Variants in YPEL1 observed in about 807,000 individuals in gnomAD.
YPEL1 encodes protein yippee-like 1.
YPEL1 carries 7 observed loss-of-function variants against 17.3 expected under a neutral mutation model. That is an observed-to-expected ratio of 0.40 (90% CI 0.23 to 0.76). YPEL1 has a LOEUF of 0.76. YPEL1 is among the 30% of genes least tolerant of loss of function. The probability of loss-of-function intolerance (pLI) is 0.35; values close to 1 mark genes in which losing one functional copy is unlikely to be tolerated. For synonymous variants in YPEL1, 59 were observed against 59.6 expected, an observed-to-expected ratio of 0.99 and a Z score of 0.05; for missense variants, 91 against 155.5, an observed-to-expected ratio of 0.59 and a Z score of 2.21.
chr22:21,701,277 C>T (rs944476140), intron 4 of YPEL1, 59 bp from the exon 5 acceptor site: 1 of 1,400,638 alleles, frequency 7.1e-7, no homozygotes. Flanking sequence ...AATTTCATCA[C>T]TCTTTTGGCA....
chr22:21,728,054 G>A (rs940631831), intron 1 of YPEL1, among the ~76,000 whole-genome samples: 11 of 152,186 alleles, frequency 7.2e-5, no homozygotes, highest in East Asian at 5.8e-4. Flanking sequence ...CAGGGAGAGC[G>A]GGGAAGGAAC....
At chr22:21,713,432 C>T (rs1236172580) in intron 1 of YPEL1, among the ~76,000 whole-genome samples, 3 of 152,146 alleles carry the variant, frequency 2.0e-5, no homozygotes, top group African/African-American at 7.2e-5. Context: ...TGTTATCCAG[C>T]CTTTAACAGG....
intron 1 of YPEL1, chr22:21,723,146 A>C (rs2068300069): frequency 6.6e-6 from 1 of 152,362 alleles, no homozygotes; most frequent in East Asian, 1.9e-4. Flanking sequence ...CAGCCTCCCG[A>C]GTTGCTGGGA....
chr22:21,711,001 G>T (rs2845458), intron 1 of YPEL1, 93 bp from the exon 2 acceptor site: 3 of 423,378 alleles, frequency 7.1e-6, no homozygotes, highest in African/African-American at 4.1e-5. Context: ...AGCAACACGC[G>T]GGGTGGGGGG....
At position 21,721,564 on chromosome 22, in the gene YPEL1, C is replaced by T. The variant is rs144110591; in HGVS notation, c.-164-10656G>A. Among the ~76,000 whole-genome samples, 501 of 152,282 alleles carry T rather than the reference C, an allele frequency of 3.3e-3. 6 individuals carry two copies. Among genetic ancestry groups the T allele is most frequent in the African/African-American group, 0.012 (486 of 41,554 alleles). ...TCAGCCTCCTGAGTAGTTTGGATTA[C>T]AGGTGCACATCACCATGACTGGCTA... On this transcript the variant is annotated intron_variant, in intron 1 of 4. Coordinates refer to ENST00000339468, the MANE Select transcript of YPEL1 (RefSeq NM_013313.5).
chr22:21,710,999 G>A (rs2845457), intron 1 of YPEL1, 91 bp from the exon 2 acceptor site: 63,381 of 438,378 alleles, frequency 0.14, 5,457 homozygotes, highest in Non-Finnish European at 0.17. Flanking sequence ...GAAGCAACAC[G>A]CGGGGTGGGG....
chr22:21,720,177 CA>C (rs1292044683), intron 1 of YPEL1, among the ~76,000 whole-genome samples: 1,108 of 81,482 alleles, frequency 0.014, 14 homozygotes, highest in African/African-American at 0.044. Flanking sequence ...GACTCTGTAT[CA>C]AAAAAAAAAA....
At chr22:21,734,003 C>G (rs535998805) in intron 1 of YPEL1, among the ~76,000 whole-genome samples, 1 of 152,122 alleles carries the variant, frequency 6.6e-6, no homozygotes, top group Non-Finnish European at 1.5e-5. Flanking sequence ...TCACTTGAGC[C>G]TAGGAGTTCA....
In YPEL1 at chr22:21,710,820, G is replaced by C; in HGVS notation, c.-76C>G. On this transcript the variant is annotated 5_prime_UTR_variant, in exon 2 of 5. Transcript: ENST00000339468. ...GGCTCTGCTGGCCTCTCTGACAAAA[G>C]CAACACTGGAAAATGCACGCAAGAG... 2 of 1,324,638 alleles carry C rather than the reference G, an allele frequency of 1.5e-6. No individual in the cohort carries two copies. The highest frequency in any genetic ancestry group is 1.2e-5 in the South Asian group (1 of 85,092). The allele number at this position is 1,324,638 out of a possible 1,614,324, so 82.1% of individuals were successfully genotyped here.
At chr22:21,720,149 G>C (rs1295345082) in intron 1 of YPEL1, among the ~76,000 whole-genome samples, 1 of 142,912 alleles carries the variant, frequency 7.0e-6, no homozygotes, top group East Asian at 2.2e-4. Flanking sequence ...ATGCACTCTA[G>C]CCTGGGTGAC....
chr22:21,707,121 A>T (rs1019109688), intron 2 of YPEL1, among the ~76,000 whole-genome samples: 4 of 152,092 alleles, frequency 2.6e-5, no homozygotes, highest in African/African-American at 4.8e-5. Context: ...TATATAATTT[A>T]AAAAAAATTA....
chr22:21,710,568 G>A (rs1404990334), intron 2 of YPEL1, 60 bp downstream of exon 2: 3 of 1,350,794 alleles, frequency 2.2e-6, no homozygotes, highest in Non-Finnish European at 3.2e-6. Flanking sequence ...CTTCCACTAT[G>A]TAGGTACCAC....
At chr22:21,732,084 T>C (rs4821217) in intron 1 of YPEL1, among the ~76,000 whole-genome samples, 140,182 of 152,268 alleles carry the variant, frequency 0.92, 65,033 homozygotes, top group African/African-American at 0.97. Flanking sequence ...GCAACAGTGG[T>C]TGGCTCCAGG....
At chr22:21,712,717 C>A (rs2148603395) in intron 1 of YPEL1, among the ~76,000 whole-genome samples, 1 of 127,776 alleles carries the variant, frequency 7.8e-6, no homozygotes. Context: ...CAGAGTGAGA[C>A]TACATCTCAA....
At chr22:21,713,566 AAG>A (rs1413582019) in intron 1 of YPEL1, among the ~76,000 whole-genome samples, 1 of 152,172 alleles carries the variant, frequency 6.6e-6, no homozygotes, top group Non-Finnish European at 1.5e-5. Flanking sequence ...CAGAGACAGA[AAG>A]AGCTGCCAGG....
In YPEL1 at chr22:21,702,287, TG is replaced by T. The variant is rs1423606476; in HGVS notation, c.271-1070del. Among the ~76,000 whole-genome samples the T allele has an allele frequency of 7.9e-5, 12 of 152,282 alleles. No individual in the cohort carries two copies. In the East Asian group the frequency reaches 2.3e-3, roughly 29 times the overall value. On this transcript the variant is annotated intron_variant, in intron 4 of 4. Transcript: ENST00000339468. The stretch of plus-strand genomic sequence containing the variant: ...GCCATGCAGGGAAGGCACGGGTTTC[TG>T]GAAGTGGGGCCCACAGATGGGTATG...
chr22:21,718,601 G>A lies in YPEL1; in HGVS notation c.-164-7693C>T, dbSNP rs560912763. Among the ~76,000 whole-genome samples the A allele has an allele frequency of 4.6e-5, 7 of 152,148 alleles. No homozygotes were observed. In the South Asian group the frequency reaches 1.0e-3, roughly 23 times the overall value. On this transcript the variant is annotated intron_variant, in intron 1 of 4. Coordinates refer to ENST00000339468, the MANE Select transcript of YPEL1 (RefSeq NM_013313.5). The stretch of plus-strand genomic sequence containing the variant: ...AGACAGCACAGAGGAGCTCTGCAGC[G>A]CCTGGAGAACAGTTCCCAGGGGAAT...
chr22:21,717,239 G>C (rs1314346132), intron 1 of YPEL1, among the ~76,000 whole-genome samples: 3 of 152,028 alleles, frequency 2.0e-5, no homozygotes, highest in Non-Finnish European at 4.4e-5. Flanking sequence ...AGCCGGGCGT[G>C]GTGGTGTCTG....
chr22:21,712,135 A>G lies in YPEL1; in HGVS notation c.-164-1227T>C, dbSNP rs573220963. On this transcript the variant is annotated intron_variant, in intron 1 of 4. Transcript: ENST00000339468. Reference sequence around the variant, plus strand: ...GGCTCAAGTGAGCTGAGATCGTCCAACTGCACTCCAGCCTGAGCAACAGAG... The same window carrying G: ...GGCTCAAGTGAGCTGAGATCGTCCAGCTGCACTCCAGCCTGAGCAACAGAG... 2.6e-5 allele frequency among the ~76,000 whole-genome samples: 4 copies of G among 152,274 alleles called. No homozygotes were observed. In the South Asian group the frequency reaches 6.2e-4, roughly 24 times the overall value.
Sources: allele counts gnomAD v4.1 joint callset (sites outside exome capture counted in the v4.1 genomes callset), GRCh38; gene constraint gnomAD v4.1.1; transcripts MANE v1.5; gene names NCBI Gene and HGNC (gene_info 2026-07-23, HGNC 2026-07-21).